Variants in INTS15 observed in about 807,000 individuals in gnomAD.
The protein encoded by INTS15 is integrator complex subunit 15.
At chr7:6,599,691 ATAGC>A in the INTS15 span, 1 of 804,320 alleles carries the variant, frequency 1.2e-6, no homozygotes, top group Non-Finnish European at 2.0e-6. Flanking sequence ...GGGACAGAAA[ATAGC>A]TAAGCCAGGA....
At chr7:6,604,667 G>A in the INTS15 span, among the ~76,000 whole-genome samples, 1 of 152,202 alleles carries the variant, frequency 6.6e-6, no homozygotes, top group African/African-American at 2.4e-5. Context: ...AGAGCGCTGG[G>A]CAGCGCTCGC....
the INTS15 span, among the ~76,000 whole-genome samples, chr7:6,596,754 G>A: frequency 6.6e-6 from 1 of 151,848 alleles, no homozygotes; most frequent in African/African-American, 2.4e-5. Flanking sequence ...ATGCAAGCGC[G>A]TGCATATTCG....
At chr7:6,602,536 A>G in the INTS15 span, 1 of 391,988 alleles carries the variant, frequency 2.6e-6, no homozygotes, top group African/African-American at 2.1e-5. Context: ...ATCAGGCGGC[A>G]CGGACCTGGG....
At chr7:6,594,631 G>A in the INTS15 span, 97 of 1,605,702 alleles carry the variant, frequency 6.0e-5, no homozygotes, top group African/African-American at 1.2e-3. Flanking sequence ...TTCTATGGAA[G>A]AAGCTTCAGT....
the INTS15 span, among the ~76,000 whole-genome samples, chr7:6,606,483 A>G: frequency 4.6e-5 from 7 of 152,046 alleles, no homozygotes; most frequent in Non-Finnish European, 1.0e-4. Flanking sequence ...ACGGGGTGTG[A>G]GTAGAACCCG....
the INTS15 span, chr7:6,608,089 C>A: frequency 1.3e-6 from 2 of 1,572,456 alleles, no homozygotes; most frequent in South Asian, 1.1e-5. Context: ...CCGCCGCCCA[C>A]CCCGCCCTGC....
chr7:6,590,893 C>T, the INTS15 span, among the ~76,000 whole-genome samples: 2 of 150,844 alleles, frequency 1.3e-5, no homozygotes, highest in Admixed American at 6.6e-5. Context: ...GGCAGGAGTG[C>T]AGTGGTGCAA....
chr7:6,606,290 C>T, the INTS15 span, among the ~76,000 whole-genome samples: 2 of 152,342 alleles, frequency 1.3e-5, no homozygotes, highest in South Asian at 4.1e-4. Context: ...TGCCTCAGCC[C>T]CTCCTGGGGG....
At chr7:6,600,243 T>C in the INTS15 span, 5 of 1,614,150 alleles carry the variant, frequency 3.1e-6, no homozygotes, top group Admixed American at 8.3e-5. Context: ...ATCAACAGGT[T>C]GGCGGATGAA....
At chr7:6,602,188 T>C in the INTS15 span, 1 of 1,551,022 alleles carries the variant, frequency 6.4e-7, no homozygotes, top group Non-Finnish European at 8.8e-7. Context: ...TGGAGCAGGG[T>C]GGAGGGAGGC....
chr7:6,595,242 G>C, the INTS15 span, among the ~76,000 whole-genome samples: 15 of 152,230 alleles, frequency 9.9e-5, no homozygotes, highest in African/African-American at 3.6e-4. Flanking sequence ...ATGTTGTCCA[G>C]GTTGGTCTTG....
At chr7:6,600,205 C>T in the INTS15 span, 88 of 1,614,180 alleles carry the variant, frequency 5.5e-5, no homozygotes, top group Admixed American at 8.3e-5. Context: ...TGATCCTCTT[C>T]GACCACATGG....
the INTS15 span, chr7:6,600,420 G>C: frequency 6.7e-7 from 1 of 1,483,358 alleles, no homozygotes; most frequent in Non-Finnish European, 9.0e-7. Context: ...GAAGGAAGGA[G>C]GGGCTCCTGG....
the INTS15 span, among the ~76,000 whole-genome samples, chr7:6,591,331 A>G: frequency 2.1e-5 from 3 of 144,938 alleles, no homozygotes; most frequent in African/African-American, 7.8e-5. Flanking sequence ...CAGTGGTGCG[A>G]TCTCGGCTCA....
At chr7:6,603,686 A>G in the INTS15 span, among the ~76,000 whole-genome samples, 5 of 151,620 alleles carry the variant, frequency 3.3e-5, no homozygotes, top group South Asian at 1.0e-3. Flanking sequence ...TAAAAATACA[A>G]AAGTTAGCCA....
At chr7:6,608,001 C>A in the INTS15 span, 1 of 1,600,250 alleles carries the variant, frequency 6.2e-7, no homozygotes, top group Non-Finnish European at 8.5e-7. Context: ...CAGCAGTCGC[C>A]TCACGCCGCG....
At chr7:6,594,001 C>CTT in the INTS15 span, among the ~76,000 whole-genome samples, 18,035 of 68,728 alleles carry the variant, frequency 0.26, 2,833 homozygotes, top group African/African-American at 0.38. Context: ...AAGCCTTTAA[C>CTT]TTTTTTTTTT....
the INTS15 span, chr7:6,602,345 G>C: frequency 7.3e-6 from 4 of 547,512 alleles, no homozygotes; most frequent in African/African-American, 1.9e-5. Context: ...TAGTCTGTGA[G>C]AGAGGCCAGT....
the INTS15 span, chr7:6,591,961 C>G: frequency 6.0e-6 from 7 of 1,170,768 alleles, no homozygotes; most frequent in African/African-American, 7.6e-5. Flanking sequence ...CACTTGAGGT[C>G]AGGGGTTCAA....
Sources: gnomAD v4.1 joint callset for allele counts (sites outside exome capture counted in the v4.1 genomes callset) on GRCh38, gnomAD v4.1.1 for gene constraint, MANE v1.5 for transcripts, NCBI Gene and HGNC (gene_info 2026-07-23, HGNC 2026-07-21) for gene names.